ZNRF1: variants seen among roughly 807,000 people sequenced by gnomAD.
ZNRF1 encodes zinc and ring finger 1.
Under a neutral mutation model 18.4 loss-of-function variants are expected in ZNRF1, and 3 were observed. The ratio of observed to expected loss-of-function variants is 0.16; its 90% CI spans 0.07 to 0.42. The LOEUF (loss-of-function observed/expected upper bound fraction) is 0.42, where lower values mean the gene tolerates loss of function less well. ZNRF1 is among the 10% of genes least tolerant of loss of function. The pLI, the probability that ZNRF1 is intolerant of heterozygous loss-of-function variation, is 0.99. For missense variants in ZNRF1, 310 were observed against 329.8 expected, an observed-to-expected ratio of 0.94 and a Z score of 0.47; for synonymous variants, 157 against 144.2, an observed-to-expected ratio of 1.09 and a Z score of -0.64.
intron 1 of ZNRF1, among the ~76,000 whole-genome samples, chr16:75,039,615 C>G (rs1375082846): frequency 1.3e-5 from 2 of 152,202 alleles, no homozygotes; most frequent in African/African-American, 2.4e-5. Flanking sequence ...TAATACATCT[C>G]TGGTGAGACT....
chr16:75,070,999 A>G (rs1342612753), intron 1 of ZNRF1, among the ~76,000 whole-genome samples: 13 of 152,064 alleles, frequency 8.5e-5, no homozygotes, highest in African/African-American at 1.2e-4. Flanking sequence ...CCCATGGACT[A>G]TGTGGGTCAG....
At chr16:75,098,321 T>A (rs374165603) in intron 2 of ZNRF1, among the ~76,000 whole-genome samples, 2 of 152,180 alleles carry the variant, frequency 1.3e-5, no homozygotes, top group African/African-American at 4.8e-5. Context: ...GGGAGGGAGC[T>A]GTAGTGGCCT....
chr16:75,047,415 C>T (rs2035529629), intron 1 of ZNRF1, among the ~76,000 whole-genome samples: 1 of 152,250 alleles, frequency 6.6e-6, no homozygotes, highest in African/African-American at 2.4e-5. Flanking sequence ...ACAAGCAGGC[C>T]TCCCAGAGAG....
chr16:75,034,424 G>A (rs186746769), intron 1 of ZNRF1, among the ~76,000 whole-genome samples: 4 of 152,082 alleles, frequency 2.6e-5, no homozygotes, highest in South Asian at 2.1e-4. Context: ...TTCACTTAGC[G>A]TAACATTCTC....
rs535683998 is a variant in ZNRF1 at position 75,020,105 on chromosome 16, G to A, written c.424+20010G>A. On this transcript the variant is annotated intron_variant, in intron 1 of 4. Coordinates refer to ENST00000335325, the MANE Select transcript of ZNRF1 (RefSeq NM_032268.5). ...ACTTCTCTTCATAATTTTGTCAAAC[G>A]TGTCTGCATATAATTTGAAGTTCTC... Among the ~76,000 whole-genome samples, 11 of 152,254 alleles carry A rather than the reference G, an allele frequency of 7.2e-5. No homozygotes were observed. The South Asian group carries it at 2.1e-3, about 29-fold the overall frequency.
chr16:75,071,058 T>G (rs1047975084), intron 1 of ZNRF1, among the ~76,000 whole-genome samples: 17 of 151,578 alleles, frequency 1.1e-4, no homozygotes, highest in Admixed American at 1.1e-3. Flanking sequence ...CTATGATGTC[T>G]GGGACCTCAG....
At chr16:75,096,568 G>C (rs140020542) in intron 2 of ZNRF1, among the ~76,000 whole-genome samples, 1 of 152,100 alleles carries the variant, frequency 6.6e-6, no homozygotes, top group African/African-American at 2.4e-5. Context: ...GGGGCGAGGC[G>C]GGGCTTTCTT....
intron 1 of ZNRF1, among the ~76,000 whole-genome samples, chr16:75,092,386 G>T (rs2145420713): frequency 6.6e-6 from 1 of 152,254 alleles, no homozygotes. Context: ...TGTTAAATGT[G>T]CCACATTAGG....
chr16:75,107,634 G>A (rs2036333817), intron 4 of ZNRF1, 99 bp from the exon 5 acceptor site: 7 of 447,180 alleles, frequency 1.6e-5, no homozygotes, highest in East Asian at 7.1e-5. Flanking sequence ...CTGTGTAGAC[G>A]CCCCAGCCCC....
At chr16:75,085,328 A>G (rs184721770) in intron 1 of ZNRF1, among the ~76,000 whole-genome samples, 1 of 152,294 alleles carries the variant, frequency 6.6e-6, no homozygotes, top group Admixed American at 6.5e-5. Flanking sequence ...GGCGTGTTTT[A>G]ATTCATCCAT....
intron 1 of ZNRF1, among the ~76,000 whole-genome samples, chr16:75,082,976 T>G (rs932165186): frequency 2.6e-5 from 4 of 152,232 alleles, no homozygotes; most frequent in African/African-American, 9.6e-5. Flanking sequence ...GTAACAACTT[T>G]AAAATCGAGA....
At chr16:75,018,811 T>G (rs2035104793) in intron 1 of ZNRF1, among the ~76,000 whole-genome samples, 1 of 150,886 alleles carries the variant, frequency 6.6e-6, no homozygotes, top group Non-Finnish European at 1.5e-5. Flanking sequence ...CTTTGGATTT[T>G]TGCACATATG....
chr16:75,040,191 C>A (rs8062089), intron 1 of ZNRF1, among the ~76,000 whole-genome samples: 131,754 of 151,480 alleles, frequency 0.87, 57,888 homozygotes, highest in Non-Finnish European at 0.93. Flanking sequence ...ACTGCAGGCG[C>A]GCACCACCAC....
chr16:75,025,648 C>T (rs1309880715), intron 1 of ZNRF1, among the ~76,000 whole-genome samples: 1 of 152,184 alleles, frequency 6.6e-6, no homozygotes, highest in African/African-American at 2.4e-5. Context: ...GCTCGACCCC[C>T]ACTGCAGAGG....
At chr16:75,106,375 A>C in intron 3 of ZNRF1, 107 bp from the exon 4 acceptor site, 13 of 1,153,448 alleles carry the variant, frequency 1.1e-5, no homozygotes, top group Non-Finnish European at 1.5e-5. Flanking sequence ...TCCTTTCAGA[A>C]GAGACTTAGG....
At position 74,999,435 on chromosome 16, in the gene ZNRF1, A is replaced by C; in HGVS notation, c.-237A>C. ...TGCGCCTCTTTGGACCTTGAGGGGAAACATGCGTTTGCCTTGGATCGTTTG... is the reference window on the plus strand; with the variant it reads ...TGCGCCTCTTTGGACCTTGAGGGGACACATGCGTTTGCCTTGGATCGTTTG... On this transcript the variant is annotated 5_prime_UTR_variant, in exon 1 of 5. Coordinates refer to ENST00000335325, the MANE Select transcript of ZNRF1 (RefSeq NM_032268.5). 5.4e-6 allele frequency: 2 copies of C among 370,818 alleles called. No homozygotes were observed. Among genetic ancestry groups the C allele is most frequent in the East Asian group, 3.9e-5 (1 of 25,786 alleles). 23.0% of individuals were successfully genotyped at this position (370,818 alleles called of 1,614,324 possible). A position where few individuals can be genotyped will look rare whatever the true frequency, so the allele number is the denominator to read the frequency against.
At chr16:75,096,200 C>A (rs1372103440) in intron 2 of ZNRF1, among the ~76,000 whole-genome samples, 1 of 152,068 alleles carries the variant, frequency 6.6e-6, no homozygotes, top group Non-Finnish European at 1.5e-5. Flanking sequence ...TTCCAGTGGA[C>A]TTTGTCTCAA....
chr16:75,012,500 A>G (rs899248907), intron 1 of ZNRF1, among the ~76,000 whole-genome samples: 3 of 152,172 alleles, frequency 2.0e-5, no homozygotes, highest in Non-Finnish European at 4.4e-5. Flanking sequence ...AAGTGGATTC[A>G]TATAAGGTCG....
chr16:75,039,357 G>A (rs982020787), intron 1 of ZNRF1, among the ~76,000 whole-genome samples: 6 of 151,866 alleles, frequency 4.0e-5, no homozygotes, highest in Non-Finnish European at 7.4e-5. Context: ...GCTTTATTTA[G>A]GGAGGCCAAA....
Sources: allele counts gnomAD v4.1 joint callset (sites outside exome capture counted in the v4.1 genomes callset), GRCh38; gene constraint gnomAD v4.1.1; transcripts MANE v1.5; gene names NCBI Gene and HGNC (gene_info 2026-07-23, HGNC 2026-07-21).